Variants in ZSCAN12 observed in about 807,000 individuals in gnomAD.
ZSCAN12 encodes the protein zinc finger and SCAN domain containing 12, also known as zinc finger and SCAN domain-containing protein 12.
Under a neutral mutation model 23.4 loss-of-function variants are expected in ZSCAN12, and 18 were observed. The observed-to-expected ratio is 0.77, with a 90% CI of 0.53 to 1.14. The LOEUF is 1.14. ZSCAN12 is among the 50% of genes most tolerant of loss of function. The probability of loss-of-function intolerance (pLI) is 0.00; values close to 1 mark genes in which losing one functional copy is unlikely to be tolerated. For synonymous variants in ZSCAN12, 186 were observed against 253.4 expected, an observed-to-expected ratio of 0.73 and a Z score of 2.53; for missense variants, 650 against 735.0, an observed-to-expected ratio of 0.88 and a Z score of 1.34.
Position 28,390,454 on chromosome 6 carries a change from T to C in ZSCAN12, c.1836A>G (p.Ter612TrpextTer1). ...CTGTGAGATAACTTCCCTGTAGTCA[T>C]CACACAGAAACAGATTTTTCTCCTT... ...IHKGEKSVSV[*>W] Residue 612 changes from the stop codon to tryptophan, a stop_lost, in exon 4 of 4, where the codon TGA (stop) becomes TGG (tryptophan). Coordinates refer to ENST00000684592, the MANE Select transcript of ZSCAN12 (RefSeq NM_001163391.2). 6.5e-7 allele frequency: 1 copy of C among 1,532,430 alleles called. No homozygotes were observed. The highest frequency in any genetic ancestry group is 8.8e-7 in the Non-Finnish European group (1 of 1,137,774). 94.9% of individuals were successfully genotyped at this position (1,532,430 alleles called of 1,614,324 possible). A position where few individuals can be genotyped will look rare whatever the true frequency, so the allele number is the denominator to read the frequency against.
downstream of ZSCAN12, among the ~76,000 whole-genome samples, chr6:28,383,523 G>C (rs2113960545): frequency 6.6e-6 from 1 of 152,222 alleles, no homozygotes; most frequent in East Asian, 1.9e-4. Context: ...GCTGAGCAGC[G>C]CAAGTTCCAG....
At chr6:28,398,932 C>CAAAA (rs369893339) in intron 1 of ZSCAN12, among the ~76,000 whole-genome samples, 1 of 90,934 alleles carries the variant, frequency 1.1e-5, no homozygotes, top group African/African-American at 4.4e-5. Context: ...GACTCCGTCT[C>CAAAA]AAAAAAAAAA....
rs1300330203 is a variant in ZSCAN12 at position 28,387,506 on chromosome 6, G to T, written c.*2948C>A. ...TTGGTAAGGAGAACATTCTCACACA[G>T]GTTCTCATCACTAAGTAAAGTCCCC... On this transcript the variant is annotated 3_prime_UTR_variant, in exon 4 of 4. Transcript: ENST00000684592. Among the ~76,000 whole-genome samples the T allele has an allele frequency of 6.6e-6, 1 of 152,140 alleles. No homozygotes were observed. The highest frequency in any genetic ancestry group is 1.5e-5 in the Non-Finnish European group (1 of 68,020).
At chr6:28,382,331 T>A (rs1302290947), downstream of ZSCAN12, 24 of 1,239,676 alleles carry the variant, frequency 1.9e-5, 1 homozygote, top group Middle Eastern at 1.1e-3. Context: ...CTTTTTCCAA[T>A]GCTGGCAAAC....
intron 2 of ZSCAN12, among the ~76,000 whole-genome samples, chr6:28,393,489 A>T (rs2113987806): frequency 6.8e-6 from 1 of 147,116 alleles, no homozygotes; most frequent in Admixed American, 6.7e-5. Flanking sequence ...AAAAAAAAAA[A>T]GGCACCCTTG....
At position 28,390,601 on chromosome 6, in the gene ZSCAN12, T is replaced by C; in HGVS notation, c.1689A>G (p.Arg563=). 1 of 1,608,906 alleles carries C rather than the reference T, an allele frequency of 6.2e-7. No individual in the cohort carries two copies. The highest frequency in any genetic ancestry group is 8.5e-7 in the Non-Finnish European group (1 of 1,177,478). ...GGTGTTTACTAAGATCTGACCTCTG[T>C]CTGAAGGCTTTTCCACACTCATCAC... ...YQCDECGKAF[R]QRSDLSKHQR... is the part of the protein sequence containing the mutation. Residue 563 remains arginine, a synonymous_variant, in exon 4 of 4, where the codon AGA becomes AGG. Coordinates refer to ENST00000684592, the MANE Select transcript of ZSCAN12 (RefSeq NM_001163391.2).
chr6:28,391,806 T>G lies in ZSCAN12; in HGVS notation c.548-64A>C. On this transcript the variant is annotated intron_variant, in intron 3 of 3. Transcript: ENST00000684592. The surrounding 1 kb of genome is among the most constrained non-coding windows in gnomAD (Gnocchi z 4.1). ...AAAATGTATCCATACATTTTAATATTAAGCAGCTGTTTAGAAATAAAAAAT... is the reference window on the plus strand; with the variant it reads ...AAAATGTATCCATACATTTTAATATGAAGCAGCTGTTTAGAAATAAAAAAT... 7.7e-7 allele frequency: 1 copy of G among 1,296,418 alleles called. No individual in the cohort carries two copies. Among genetic ancestry groups the G allele is most frequent in the East Asian group, 2.5e-5 (1 of 39,238 alleles). The allele number at this position is 1,296,418 out of a possible 1,614,324, so 80.3% of individuals were successfully genotyped here. A position where few individuals can be genotyped will look rare whatever the true frequency, so the allele number is the denominator to read the frequency against.
At chr6:28,380,798 A>G (rs1200437624), downstream of ZSCAN12, 1 of 153,692 alleles carries the variant, frequency 6.5e-6, no homozygotes. Context: ...CCCCCCAACA[A>G]AATTCAGCAT....
rs1286017237 is a variant in ZSCAN12 at position 28,389,463 on chromosome 6, C to A, written c.*991G>T. Among the ~76,000 whole-genome samples, 1 of 152,178 alleles carries A rather than the reference C, an allele frequency of 6.6e-6. No individual in the cohort carries two copies. The highest frequency in any genetic ancestry group is 1.5e-5 in the Non-Finnish European group (1 of 68,030). On this transcript the variant is annotated 3_prime_UTR_variant, in exon 4 of 4. Coordinates refer to ENST00000684592, the MANE Select transcript of ZSCAN12 (RefSeq NM_001163391.2). ...ACTGTGTTCAGGCTTCCCCACTTCG[C>A]AGACAGCCATGAAGTCAGCTGTCAT...
Position 28,391,777 on chromosome 6 carries a change from C to G in ZSCAN12, c.548-35G>C. The G allele has an allele frequency of 7.0e-7, 1 of 1,425,286 alleles. No homozygotes were observed. The highest frequency in any genetic ancestry group is 9.2e-7 in the Non-Finnish European group (1 of 1,081,650). The allele number at this position is 1,425,286 out of a possible 1,614,324, so 88.3% of individuals were successfully genotyped here. On this transcript the variant is annotated intron_variant, in intron 3 of 3. Coordinates refer to ENST00000684592, the MANE Select transcript of ZSCAN12 (RefSeq NM_001163391.2). The surrounding 1 kb of genome is among the most constrained non-coding windows in gnomAD (Gnocchi z 4.1). ...GATCATAAATGTTACCTCTTTCTAC[C>G]TTTAAAATGTATCCATACATTTTAA...
downstream of ZSCAN12, chr6:28,382,622 A>G: frequency 6.4e-7 from 1 of 1,550,956 alleles, no homozygotes; most frequent in East Asian, 2.4e-5. Flanking sequence ...GAGGCATAAA[A>G]TAACAATGTT....
chr6:28,378,910 CTG>C (rs769454226), downstream of ZSCAN12: 4 of 151,968 alleles, frequency 2.6e-5, no homozygotes, highest in East Asian at 1.9e-4. Context: ...TTAAAAAAAA[CTG>C]TGTGATTTGC....
intron 2 of ZSCAN12, among the ~76,000 whole-genome samples, chr6:28,397,008 T>C (rs550100686): frequency 3.3e-5 from 5 of 152,354 alleles, no homozygotes; most frequent in Admixed American, 6.5e-5. Context: ...ATTATTTCCC[T>C]AAGTTTCAAA....
At chr6:28,396,354 C>T (rs1467420463) in intron 2 of ZSCAN12, among the ~76,000 whole-genome samples, 1 of 152,096 alleles carries the variant, frequency 6.6e-6, no homozygotes, top group Non-Finnish European at 1.5e-5. Context: ...AACAGACATT[C>T]GGTAAATATG....
In ZSCAN12 at chr6:28,396,414, A is replaced by G. The variant is rs142069834; in HGVS notation, c.402+1590T>C. 3.3e-5 allele frequency among the ~76,000 whole-genome samples: 5 copies of G among 152,258 alleles called. No homozygotes were observed. In the East Asian group the frequency reaches 9.7e-4, roughly 29 times the overall value. On this transcript the variant is annotated intron_variant, in intron 2 of 3. Transcript: ENST00000684592. ...TAACTTTGTTAGGAGTGTCTCCATTATACTAGTCTTTCAAGCTTAAAATCC... is the reference window on the plus strand; with the variant it reads ...TAACTTTGTTAGGAGTGTCTCCATTGTACTAGTCTTTCAAGCTTAAAATCC...
downstream of ZSCAN12, chr6:28,379,852 C>A (rs912153563): frequency 6.6e-6 from 1 of 151,874 alleles, no homozygotes. Context: ...AAACAGTAGA[C>A]GATAATACTA....
At position 28,387,517 on chromosome 6, in the gene ZSCAN12, C is replaced by G. The variant is rs1476068915; in HGVS notation, c.*2937G>C. 6.6e-6 allele frequency among the ~76,000 whole-genome samples: 1 copy of G among 152,192 alleles called. No homozygotes were observed. The highest frequency in any genetic ancestry group is 1.5e-5 in the Non-Finnish European group (1 of 68,044). ...AACATTCTCACACAGGTTCTCATCA[C>G]TAAGTAAAGTCCCCTCCACTGAGAA... On this transcript the variant is annotated 3_prime_UTR_variant, in exon 4 of 4. Transcript: ENST00000684592.
Position 28,390,324 on chromosome 6 carries a change from A to G in ZSCAN12, c.*130T>C, listed in dbSNP as rs1039332603. 5 of 673,868 alleles carry G rather than the reference A, an allele frequency of 7.4e-6. No individual in the cohort carries two copies. In the Admixed American group the frequency reaches 1.3e-4, roughly 18 times the overall value. 41.7% of individuals were successfully genotyped at this position (673,868 alleles called of 1,614,324 possible). A position where few individuals can be genotyped will look rare whatever the true frequency, so the allele number is the denominator to read the frequency against. ...CAGCACGTAGTACAATGGGCAGCAC[A>G]CAGTGAATTCTTATTAAATATCTGA... is the stretch of plus-strand genomic sequence containing the variant. On this transcript the variant is annotated 3_prime_UTR_variant, in exon 4 of 4. Coordinates refer to ENST00000684592, the MANE Select transcript of ZSCAN12 (RefSeq NM_001163391.2).
At chr6:28,396,580 C>T (rs962120433) in intron 2 of ZSCAN12, among the ~76,000 whole-genome samples, 6 of 151,910 alleles carry the variant, frequency 3.9e-5, no homozygotes, top group Non-Finnish European at 2.9e-5. Context: ...CACACTTTCA[C>T]GATCCTATTT....
Sources: gnomAD v4.1 joint callset for allele counts (sites outside exome capture counted in the v4.1 genomes callset) on GRCh38, gnomAD v4.1.1 for gene constraint, Gnocchi (gnomAD v3.1) non-coding constraint, MANE v1.5 for transcripts, NCBI Gene and HGNC (gene_info 2026-07-23, HGNC 2026-07-21) for gene names.